WDFY3: variants seen among roughly 807,000 people sequenced by gnomAD.
WDFY3 encodes WD repeat and FYVE domain-containing protein 3.
A neutral mutation model predicts 409.6 loss-of-function variants in WDFY3; 66 were observed. The ratio of observed to expected loss-of-function variants is 0.16; its 90% CI spans 0.13 to 0.20. The LOEUF is 0.20. Ranked by LOEUF, WDFY3 falls within the 10% of genes least tolerant of loss-of-function variation. WDFY3 has a pLI of 1.00. For missense variants in WDFY3, 3,031 were observed against 4,298.1 expected (o/e 0.71, Z 8.24); for synonymous variants, 1,521 against 1,537.1 (o/e 0.99, Z 0.25).
chr4:84,727,371 C>T (rs1435360420), intron 44 of WDFY3, among the ~76,000 whole-genome samples: 5 of 152,238 alleles, frequency 3.3e-5, no homozygotes, highest in Non-Finnish European at 5.9e-5. Flanking sequence ...CTGATTTAAG[C>T]TATCATTTAC....
chr4:84,798,165 A>G (rs1166216679), intron 17 of WDFY3, 57 bp from the exon 18 acceptor site: 52 of 1,383,716 alleles, frequency 3.8e-5, no homozygotes, highest in Non-Finnish European at 4.6e-5. Flanking sequence ...ATAATTCATT[A>G]ACCAAATATT....
intron 53 of WDFY3, among the ~76,000 whole-genome samples, chr4:84,706,376 T>C (rs1731940094): frequency 6.6e-6 from 1 of 152,156 alleles, no homozygotes; most frequent in Admixed American, 6.5e-5. Context: ...ATTTTCTGGT[T>C]AATTCAACAA....
rs1178582526 is a variant in WDFY3, at chr4:84,808,393, G to C, written c.2370C>G (p.Cys790Trp). Residue 790 changes from cysteine (C) to tryptophan (W), a missense_variant, in exon 15 of 68, where the codon TGC becomes TGG. Cys to Trp is a radical substitution (Grantham distance 215). Coordinates refer to ENST00000295888, the MANE Select transcript of WDFY3 (RefSeq NM_014991.6). ...AGGGGAGAGAAGACTCACTTGTCAGGCAAGGAGGGATCTGTTCTGCACGAC... is the reference window on the plus strand; with the variant it reads ...AGGGGAGAGAAGACTCACTTGTCAGCCAAGGAGGGATCTGTTCTGCACGAC... ...FDSRAEQIPPCLTSESSLPSP... is the reference protein window; with the variant it reads ...FDSRAEQIPPWLTSESSLPSP... The C allele has an allele frequency of 4.1e-5, 66 of 1,613,794 alleles. No individual in the cohort carries two copies. The highest frequency in any genetic ancestry group is 5.4e-5 in the Non-Finnish European group (64 of 1,179,856).
At chr4:84,897,855 C>CT (rs1765844656) in intron 2 of WDFY3, among the ~76,000 whole-genome samples, 1 of 152,134 alleles carries the variant, frequency 6.6e-6, no homozygotes. Flanking sequence ...TGAAAATCGC[C>CT]TTTAAATCTT....
chr4:84,866,978 C>T (rs1331189788), intron 3 of WDFY3, among the ~76,000 whole-genome samples: 1 of 152,172 alleles, frequency 6.6e-6, no homozygotes, highest in East Asian at 1.9e-4. Flanking sequence ...AGAATAGGCA[C>T]TTATCAAACC....
intron 1 of WDFY3, among the ~76,000 whole-genome samples, chr4:84,943,101 A>G (rs1772352070): frequency 6.6e-6 from 1 of 152,208 alleles, no homozygotes; most frequent in Non-Finnish European, 1.5e-5. Flanking sequence ...GACAATGAGG[A>G]TGAACACCTT....
In WDFY3 at chr4:84,821,145, T is replaced by G; in HGVS notation, c.1530A>C (p.Val510=). 6.2e-7 allele frequency: 1 copy of G among 1,613,654 alleles called. No homozygotes were observed. The highest frequency in any genetic ancestry group is 8.5e-7 in the Non-Finnish European group (1 of 1,179,768). The change falls in exon 11 of 68, where the codon GTA becomes GTC. Residue 510 remains valine, a synonymous_variant. Coordinates refer to ENST00000295888, the MANE Select transcript of WDFY3 (RefSeq NM_014991.6). Reference sequence around the variant, plus strand: ...GGGCAGCATATTTATGCAAAAGGTTTACCATGACCTCCAAAAGGCCAACCT... The same window carrying G: ...GGGCAGCATATTTATGCAAAAGGTTGACCATGACCTCCAAAAGGCCAACCT... The part of the protein sequence containing the change: ...FREVGLLEVM[V]NLLHKYAALL...
chr4:84,855,875 A>G (rs1349537892), intron 4 of WDFY3, among the ~76,000 whole-genome samples: 3 of 152,188 alleles, frequency 2.0e-5, no homozygotes, highest in African/African-American at 7.2e-5. Flanking sequence ...GAAGAACAGA[A>G]TGCCTAACTC....
chr4:84,712,427 A>C (rs1733074984), intron 51 of WDFY3, among the ~76,000 whole-genome samples: 2 of 151,642 alleles, frequency 1.3e-5, no homozygotes, highest in South Asian at 4.2e-4. Context: ...TATGATAAGA[A>C]AACCTGATAA....
chr4:84,879,403 C>T (rs1763191534), intron 3 of WDFY3: 1 of 152,182 alleles, frequency 6.6e-6, no homozygotes, highest in African/African-American at 2.4e-5. Flanking sequence ...ACTCCCAACC[C>T]ACCTGAATTT....
Position 84,736,075 on chromosome 4 carries a change from A to G in WDFY3, c.6915+95T>C, listed in dbSNP as rs531747631. ...TCTATCTCTATTCTAAAGCAAAAAT[A>G]CAGAAAAGTTTCATTTCCAATCAAT... On this transcript the variant is annotated intron_variant, in intron 42 of 67. Coordinates refer to ENST00000295888, the MANE Select transcript of WDFY3 (RefSeq NM_014991.6). 5.9e-6 allele frequency: 8 copies of G among 1,357,632 alleles called. No individual in the cohort carries two copies. In the South Asian group the frequency reaches 1.5e-4, roughly 25 times the overall value. 84.1% of individuals were successfully genotyped at this position (1,357,632 alleles called of 1,614,324 possible).
At chr4:84,874,184 C>T (rs1453849873) in intron 3 of WDFY3, among the ~76,000 whole-genome samples, 3 of 151,690 alleles carry the variant, frequency 2.0e-5, no homozygotes, top group Admixed American at 6.6e-5. Context: ...GAGGCTGAGG[C>T]GGGCGATCAC....
chr4:84,864,365 CAAAAAAAAAAAAA>C (rs35016773), intron 3 of WDFY3, among the ~76,000 whole-genome samples: 2 of 32,560 alleles, frequency 6.1e-5, no homozygotes, highest in East Asian at 7.9e-4. Context: ...GACTCCATCT[CAAAAAAAAAAAAA>C]AAAAAAAAAA....
chr4:84,699,418 T>G (rs1473776100), intron 56 of WDFY3, among the ~76,000 whole-genome samples: 1 of 152,210 alleles, frequency 6.6e-6, no homozygotes, highest in East Asian at 1.9e-4. Context: ...TGAATAATAT[T>G]TCACTGTATG....
chr4:84,694,370 C>T (rs1376904630), intron 58 of WDFY3, among the ~76,000 whole-genome samples: 1 of 152,018 alleles, frequency 6.6e-6, no homozygotes, highest in East Asian at 1.9e-4. Context: ...CTTGAAAGTA[C>T]CCTCTATTAC....
At chr4:84,811,080 C>G (rs897397310) in intron 13 of WDFY3, among the ~76,000 whole-genome samples, 1 of 152,174 alleles carries the variant, frequency 6.6e-6, no homozygotes, top group Admixed American at 6.5e-5. Flanking sequence ...TCACTGCAAC[C>G]TCTACCTCCT....
intron 46 of WDFY3, 114 bp downstream of exon 46, chr4:84,724,312 A>T (rs1735305348): frequency 8.3e-7 from 1 of 1,199,990 alleles, no homozygotes; most frequent in Admixed American, 2.4e-5. Context: ...TAAAATGTGT[A>T]TGGATATTTT....
chr4:84,958,011 C>T (rs1056447831), intron 1 of WDFY3, among the ~76,000 whole-genome samples: 1 of 152,152 alleles, frequency 6.6e-6, no homozygotes, highest in Non-Finnish European at 1.5e-5. Flanking sequence ...CATTTCTTTG[C>T]TACTGTATTT....
Position 84,708,926 on chromosome 4 carries a change from C to G in WDFY3, c.8200G>C (p.Ala2734Pro), listed in dbSNP as rs751327236. 1 of 1,613,580 alleles carries G rather than the reference C, an allele frequency of 6.2e-7. No homozygotes were observed. Among genetic ancestry groups the G allele is most frequent in the Non-Finnish European group, 8.5e-7 (1 of 1,179,734 alleles). Reference protein sequence around the residue: ...MQYPVFPWILADYDSEEVDLT... With the variant: ...MQYPVFPWILPDYDSEEVDLT... ...AGATTTACCTCTGAGTCATAATCTG[C>G]AAGGATCCAGGGGAAGACAGGATAC... The change falls in exon 53 of 68, where the codon GCA becomes CCA. Residue 2734 changes from alanine to proline, a missense_variant. This residue lies in a region of WDFY3 where 129 missense variants were observed against 305.3 expected (regional missense o/e 0.42). Coordinates refer to ENST00000295888, the MANE Select transcript of WDFY3 (RefSeq NM_014991.6).
Sources: gnomAD v4.1 joint callset for allele counts (sites outside exome capture counted in the v4.1 genomes callset) on GRCh38, gnomAD v4.1.1 for gene constraint, gnomAD v4.1.1 regional missense constraint, MANE v1.5 for transcripts, NCBI Gene and HGNC (gene_info 2026-07-23, HGNC 2026-07-21) for gene names.